CTNNA3: variants seen among roughly 807,000 people sequenced by gnomAD.
CTNNA3 encodes catenin alpha-3.
CTNNA3 carries 76 observed loss-of-function variants against 95.7 expected under a neutral mutation model. The observed-to-expected ratio is 0.79, with a 90% CI of 0.66 to 0.96. The LOEUF is 0.96. CTNNA3 is among the 40% of genes least tolerant of loss of function. The pLI is 0.00. For missense variants in CTNNA3, 1,191 were observed against 1,089.8 expected, an observed-to-expected ratio of 1.09 and a Z score of -1.31; for synonymous variants, 431 against 374.4, an observed-to-expected ratio of 1.15 and a Z score of -1.74.
chr10:66,322,184 A>G (rs1242647333), intron 12 of CTNNA3, among the ~76,000 whole-genome samples: 1 of 152,132 alleles, frequency 6.6e-6, no homozygotes, highest in African/African-American at 2.4e-5. Context: ...TGTTTTTAAA[A>G]TATCACCCTA....
chr10:67,566,060 T>C (rs1263857914), intron 3 of CTNNA3, among the ~76,000 whole-genome samples: 2 of 91,158 alleles, frequency 2.2e-5, no homozygotes, highest in African/African-American at 8.2e-5. Context: ...TATATATATA[T>C]ATATATATAT....
chr10:66,602,621 A>C (rs1248287642), intron 10 of CTNNA3, among the ~76,000 whole-genome samples: 3 of 152,030 alleles, frequency 2.0e-5, no homozygotes, highest in African/African-American at 4.8e-5. Context: ...CCCTGATACC[A>C]ACACCAGAGA....
intron 13 of CTNNA3, among the ~76,000 whole-genome samples, chr10:66,145,909 A>G (rs902157925): frequency 2.6e-5 from 4 of 152,252 alleles, no homozygotes; most frequent in Non-Finnish European, 5.9e-5. Flanking sequence ...GCTGGAGTGC[A>G]GTGGCATGAT....
At chr10:66,632,323 G>A (rs1234635160) in intron 9 of CTNNA3, among the ~76,000 whole-genome samples, 1 of 152,022 alleles carries the variant, frequency 6.6e-6, no homozygotes, top group Non-Finnish European at 1.5e-5. Flanking sequence ...GGAGGCTGAG[G>A]TGGGTGAATC....
intron 5 of CTNNA3, among the ~76,000 whole-genome samples, chr10:67,487,203 T>C (rs1443221793): frequency 6.6e-6 from 1 of 152,190 alleles, no homozygotes; most frequent in Non-Finnish European, 1.5e-5. Flanking sequence ...CAGTTTTCTG[T>C]GCATAGTTCA....
chr10:67,484,328 G>T (rs546688994), intron 5 of CTNNA3, among the ~76,000 whole-genome samples: 1 of 152,178 alleles, frequency 6.6e-6, no homozygotes, highest in South Asian at 2.1e-4. Context: ...AACTCAAAAT[G>T]GATTAAATAT....
At chr10:65,958,858 G>T (rs1409453207) in intron 17 of CTNNA3, among the ~76,000 whole-genome samples, 1 of 152,214 alleles carries the variant, frequency 6.6e-6, no homozygotes, top group Non-Finnish European at 1.5e-5. Flanking sequence ...ACTTGAGGAG[G>T]CAGTCTGTCC....
At chr10:66,348,999 T>C (rs932035235) in intron 12 of CTNNA3, among the ~76,000 whole-genome samples, 2 of 152,076 alleles carry the variant, frequency 1.3e-5, no homozygotes, top group Non-Finnish European at 2.9e-5. Context: ...CCTTTCTTCC[T>C]GAGTTTGTGA....
At chr10:66,404,239 A>G (rs1196488039) in intron 11 of CTNNA3, among the ~76,000 whole-genome samples, 1 of 152,090 alleles carries the variant, frequency 6.6e-6, no homozygotes, top group African/African-American at 2.4e-5. Context: ...CCCATAACCT[A>G]AATCCTTGAC....
intron 8 of CTNNA3, among the ~76,000 whole-genome samples, chr10:66,773,611 G>A (rs1301884445): frequency 1.3e-5 from 2 of 152,148 alleles, no homozygotes; most frequent in Non-Finnish European, 2.9e-5. Flanking sequence ...AAATGGCCCC[G>A]CTGACGCCCA....
intron 7 of CTNNA3, among the ~76,000 whole-genome samples, chr10:67,084,883 A>G (rs1857218308): frequency 6.6e-6 from 1 of 151,956 alleles, no homozygotes; most frequent in African/African-American, 2.4e-5. Flanking sequence ...ATAGGATCTA[A>G]TAATAAGAAA....
At chr10:66,802,832 A>T (rs1841482645) in intron 7 of CTNNA3, among the ~76,000 whole-genome samples, 1 of 151,884 alleles carries the variant, frequency 6.6e-6, no homozygotes, top group South Asian at 2.1e-4. Flanking sequence ...TATAGCCACG[A>T]ATGTGGAGGA....
At chr10:66,881,404 G>A (rs1203405795) in intron 7 of CTNNA3, among the ~76,000 whole-genome samples, 2 of 152,086 alleles carry the variant, frequency 1.3e-5, no homozygotes, top group Non-Finnish European at 2.9e-5. Flanking sequence ...TGATGTAGCT[G>A]AATACCCTGT....
At chr10:66,854,815 T>C (rs1589337228) in intron 7 of CTNNA3, among the ~76,000 whole-genome samples, 2 of 151,560 alleles carry the variant, frequency 1.3e-5, no homozygotes, top group South Asian at 4.2e-4. Context: ...AGACATAGCA[T>C]GAGAACACGA....
At position 67,609,838 on chromosome 10, in the gene CTNNA3, C is replaced by T. The variant is rs545805898; in HGVS notation, c.100-2789G>A. Among the ~76,000 whole-genome samples, 79 of 152,206 alleles carry T rather than the reference C, an allele frequency of 5.2e-4. 1 individual carries two copies. The highest frequency in any genetic ancestry group is 1.7e-3 in the African/African-American group (69 of 41,540). On this transcript the variant is annotated intron_variant, in intron 2 of 17. Transcript: ENST00000433211. ...AAGTTTATCTTGCTCTTGGGGCCCC[C>T]CATGCTAAATGTGGCAGTTAGCAAA... is the stretch of plus-strand genomic sequence containing the variant.
intron 13 of CTNNA3, among the ~76,000 whole-genome samples, chr10:66,169,981 T>G (rs10996947): frequency 0.18 from 26,788 of 152,162 alleles, 2,813 homozygotes; most frequent in South Asian, 0.4. Flanking sequence ...GTTTATTTAC[T>G]CTGCTGACTA....
intron 1 of CTNNA3, among the ~76,000 whole-genome samples, chr10:67,657,151 ATATCT>A (rs1840048094): frequency 6.6e-6 from 1 of 152,190 alleles, no homozygotes; most frequent in East Asian, 1.9e-4. Context: ...AGAACTCAAG[ATATCT>A]TTAAGTTTTT....
intron 7 of CTNNA3, among the ~76,000 whole-genome samples, chr10:67,021,283 C>T (rs1852997006): frequency 6.6e-6 from 1 of 152,018 alleles, no homozygotes; most frequent in Non-Finnish European, 1.5e-5. Flanking sequence ...CCATTTCACA[C>T]CTTTAAAATT....
chr10:66,724,998 A>G (rs1156355034), intron 9 of CTNNA3, among the ~76,000 whole-genome samples: 8 of 152,178 alleles, frequency 5.3e-5, no homozygotes, highest in Non-Finnish European at 8.8e-5. Context: ...ATATAAAATG[A>G]TGTAGTATAT....
Sources: gnomAD v4.1 joint callset for allele counts (sites outside exome capture counted in the v4.1 genomes callset) on GRCh38, gnomAD v4.1.1 for gene constraint, MANE v1.5 for transcripts, NCBI Gene and HGNC (gene_info 2026-07-23, HGNC 2026-07-21) for gene names.